The following OXR1 variants were observed in gnomAD, a reference collection of about 807,000 sequenced individuals.
The protein encoded by OXR1 is oxidation resistance 1.
OXR1 carries 41 observed loss-of-function variants against 104.6 expected under a neutral mutation model. The ratio of observed to expected loss-of-function variants is 0.39; its 90% CI spans 0.31 to 0.51. The LOEUF (loss-of-function observed/expected upper bound fraction) is 0.51, where lower values mean the gene tolerates loss of function less well. OXR1 is among the 20% of genes least tolerant of loss of function. The pLI, the probability that OXR1 is intolerant of heterozygous loss-of-function variation, is 0.77. For missense variants in OXR1, 955 were observed against 1,031.9 expected, an observed-to-expected ratio of 0.93 and a Z score of 1.02; for synonymous variants, 348 against 348.4, an observed-to-expected ratio of 1.00 and a Z score of 0.01.
intron 2 of OXR1, among the ~76,000 whole-genome samples, chr8:106,475,854 A>T (rs1216462212): frequency 6.6e-6 from 1 of 151,880 alleles, no homozygotes; most frequent in East Asian, 1.9e-4. Flanking sequence ...TCATTTCTTC[A>T]AGATTCATCC....
chr8:106,534,972 GT>G (rs563796819), intron 3 of OXR1, among the ~76,000 whole-genome samples: 337 of 151,588 alleles, frequency 2.2e-3, no homozygotes, highest in Non-Finnish European at 3.3e-3. Flanking sequence ...GTTTTGTTTT[GT>G]TTTTTTTGAG....
chr8:106,395,153 GT>G, intron 2 of OXR1, among the ~76,000 whole-genome samples: 1 of 152,108 alleles, frequency 6.6e-6, no homozygotes, highest in East Asian at 1.9e-4. Context: ...GTATGTGTAT[GT>G]TTTAGATCAT....
intron 2 of OXR1, among the ~76,000 whole-genome samples, chr8:106,409,382 C>T (rs1379695575): frequency 6.6e-6 from 1 of 152,028 alleles, no homozygotes; most frequent in Non-Finnish European, 1.5e-5. Context: ...GCAGTATCAC[C>T]TGAGGACAGG....
At chr8:106,335,196 A>C (rs1814907754) in intron 1 of OXR1, among the ~76,000 whole-genome samples, 1 of 151,876 alleles carries the variant, frequency 6.6e-6, no homozygotes, top group Non-Finnish European at 1.5e-5. Context: ...CAAATTTTCA[A>C]ACTCTCACAT....
At chr8:106,400,325 C>T (rs1321247372) in intron 2 of OXR1, among the ~76,000 whole-genome samples, 1 of 152,052 alleles carries the variant, frequency 6.6e-6, no homozygotes, top group Non-Finnish European at 1.5e-5. Flanking sequence ...ATAGTAGATG[C>T]TCAAAAGTAT....
chr8:106,723,638 C>T (rs1332330538), intron 11 of OXR1, among the ~76,000 whole-genome samples: 1 of 151,886 alleles, frequency 6.6e-6, no homozygotes, highest in Non-Finnish European at 1.5e-5. Flanking sequence ...TGTCATTGTA[C>T]TCCAGCCTGG....
At chr8:106,677,948 C>T (rs1369517745) in intron 3 of OXR1, among the ~76,000 whole-genome samples, 1 of 152,030 alleles carries the variant, frequency 6.6e-6, no homozygotes, top group Admixed American at 6.6e-5. Flanking sequence ...TGTCAGGCCC[C>T]TAGTTAGGCA....
intron 3 of OXR1, among the ~76,000 whole-genome samples, chr8:106,602,346 C>T (rs180891893): frequency 6.6e-6 from 1 of 152,152 alleles, no homozygotes; most frequent in African/African-American, 2.4e-5. Flanking sequence ...AAGTCACCGT[C>T]GTGGTCTAGG....
At chr8:106,634,556 T>C (rs1356452783) in intron 3 of OXR1, among the ~76,000 whole-genome samples, 1 of 152,120 alleles carries the variant, frequency 6.6e-6, no homozygotes. Flanking sequence ...CTAATAGAAA[T>C]ATGACTGTAG....
At chr8:106,636,590 CA>C (rs113856295) in intron 3 of OXR1, among the ~76,000 whole-genome samples, 14 of 152,274 alleles carry the variant, frequency 9.2e-5, no homozygotes, top group African/African-American at 3.4e-4. Context: ...GTCAGTGGGA[CA>C]GCAAAAATTT....
intron 1 of OXR1, among the ~76,000 whole-genome samples, chr8:106,279,841 C>A (rs1812205617): frequency 1.3e-5 from 2 of 152,218 alleles, no homozygotes; most frequent in South Asian, 4.2e-4. Context: ...AGAAAGGAAT[C>A]CATTGGATGG....
At chr8:106,547,569 C>T (rs1815466805) in intron 3 of OXR1, among the ~76,000 whole-genome samples, 1 of 145,734 alleles carries the variant, frequency 6.9e-6, no homozygotes, top group African/African-American at 2.6e-5. Flanking sequence ...TCTCAGCTGA[C>T]TGTAACCTCT....
intron 3 of OXR1, among the ~76,000 whole-genome samples, chr8:106,634,596 A>G (rs1172784298): frequency 2.0e-5 from 3 of 152,176 alleles, no homozygotes; most frequent in Non-Finnish European, 4.4e-5. Flanking sequence ...CAGTTATTAC[A>G]AAGTATAAGG....
At chr8:106,342,082 T>G (rs1323806154) in intron 1 of OXR1, among the ~76,000 whole-genome samples, 1 of 149,752 alleles carries the variant, frequency 6.7e-6, no homozygotes. Context: ...GTAGAGATGG[T>G]GTCTCACTAT....
chr8:106,469,221 A>G (rs1821354022), intron 2 of OXR1, among the ~76,000 whole-genome samples: 2 of 151,680 alleles, frequency 1.3e-5, no homozygotes, highest in Admixed American at 1.3e-4. Context: ...CTTCTTGCCT[A>G]TAGACTTTCT....
intron 3 of OXR1, chr8:106,580,871 C>G: frequency 2.3e-6 from 1 of 429,724 alleles, no homozygotes; most frequent in Non-Finnish European, 3.1e-6. Flanking sequence ...ATTATCCAGC[C>G]TTTCAAGTGT....
intron 1 of OXR1, among the ~76,000 whole-genome samples, chr8:106,347,903 T>C (rs539947649): frequency 6.6e-6 from 1 of 152,310 alleles, no homozygotes; most frequent in South Asian, 2.1e-4. Flanking sequence ...CTTTCACAGA[T>C]AGGTAAACCG....
intron 3 of OXR1, among the ~76,000 whole-genome samples, chr8:106,660,787 C>T (rs968280896): frequency 3.3e-5 from 5 of 152,166 alleles, no homozygotes; most frequent in Admixed American, 2.0e-4. Flanking sequence ...CCGAGACGGG[C>T]GGATCACCTG....
intron 7 of OXR1, 41 bp downstream of exon 7, chr8:106,692,918 T>C: frequency 5.0e-6 from 7 of 1,387,884 alleles, no homozygotes; most frequent in Non-Finnish European, 7.0e-6. Flanking sequence ...AATCATGCTT[T>C]AGTTATTACT....
Sources: gnomAD v4.1 joint callset for allele counts (sites outside exome capture counted in the v4.1 genomes callset) on GRCh38, gnomAD v4.1.1 for gene constraint, MANE v1.5 for transcripts, NCBI Gene and HGNC (gene_info 2026-07-23, HGNC 2026-07-21) for gene names.